The following CRIM1 variants were observed in gnomAD, a reference collection of about 807,000 sequenced individuals.
The protein encoded by CRIM1 is cysteine-rich motor neuron 1 protein.
In CRIM1, 32 loss-of-function variants were observed where a neutral mutation model predicts 116.4. That is an observed-to-expected ratio of 0.27 (90% confidence interval 0.21 to 0.37). CRIM1 has a LOEUF of 0.37. Among genes scored for constraint, CRIM1 ranks in the 10% least tolerant of loss-of-function variants. The probability of loss-of-function intolerance (pLI) is 1.00; values close to 1 mark genes in which losing one functional copy is unlikely to be tolerated. For missense variants in CRIM1, 1,331 were observed against 1,354.8 expected (o/e 0.98, Z 0.28); for synonymous variants, 590 against 509.2 (o/e 1.16, Z -2.13).
intron 14 of CRIM1, among the ~76,000 whole-genome samples, chr2:36,541,511 C>T (rs1237085049): frequency 6.6e-6 from 1 of 152,090 alleles, no homozygotes; most frequent in Non-Finnish European, 1.5e-5. Flanking sequence ...GACCCCTGCT[C>T]CTAAATTGAC....
At chr2:36,423,438 C>T (rs185343449) in intron 2 of CRIM1, among the ~76,000 whole-genome samples, 7 of 152,350 alleles carry the variant, frequency 4.6e-5, no homozygotes, top group Non-Finnish European at 7.3e-5. Flanking sequence ...TACAATGTTC[C>T]TTTGTTAACA....
chr2:36,547,421 G>T (rs979047350), intron 16 of CRIM1, among the ~76,000 whole-genome samples: 2 of 152,058 alleles, frequency 1.3e-5, no homozygotes. Flanking sequence ...CAGTTTTCTC[G>T]ATGTACTCTG....
At chr2:36,382,686 T>G (rs576501009) in intron 1 of CRIM1, among the ~76,000 whole-genome samples, 1 of 152,364 alleles carries the variant, frequency 6.6e-6, no homozygotes, top group South Asian at 2.1e-4. Flanking sequence ...CAGGCAGTGC[T>G]GCAGCTGAGT....
chr2:36,499,189 T>A, intron 7 of CRIM1, 30 bp from the exon 8 acceptor site: 1 of 1,559,836 alleles, frequency 6.4e-7, no homozygotes, highest in South Asian at 1.1e-5. Context: ...ATATGTTTCA[T>A]TGGTTATTTT....
At chr2:36,368,738 A>T (rs969163847) in intron 1 of CRIM1, among the ~76,000 whole-genome samples, 11 of 152,258 alleles carry the variant, frequency 7.2e-5, no homozygotes, top group African/African-American at 1.9e-4. Context: ...CTCTTCCATG[A>T]TTCTCACTTT....
intron 4 of CRIM1, among the ~76,000 whole-genome samples, chr2:36,447,771 A>C (rs1481504324): frequency 2.0e-5 from 3 of 152,148 alleles, no homozygotes; most frequent in African/African-American, 4.8e-5. Context: ...AATCCACCCT[A>C]ATCTACATTT....
intron 7 of CRIM1, among the ~76,000 whole-genome samples, chr2:36,490,686 C>T (rs897968260): frequency 1.3e-5 from 2 of 152,070 alleles, no homozygotes; most frequent in South Asian, 2.1e-4. Flanking sequence ...GAGCTGGATC[C>T]GTTTTCTGCT....
chr2:36,542,916 T>TTGG (rs1667049389), intron 14 of CRIM1, among the ~76,000 whole-genome samples: 1 of 152,104 alleles, frequency 6.6e-6, no homozygotes, highest in Non-Finnish European at 1.5e-5. Flanking sequence ...TCTAAGCTCT[T>TTGG]TGGGTAATTC....
chr2:36,547,792 T>C (rs1667457365), intron 16 of CRIM1, among the ~76,000 whole-genome samples: 1 of 152,200 alleles, frequency 6.6e-6, no homozygotes, highest in Non-Finnish European at 1.5e-5. Context: ...AATCTGCCTA[T>C]TTTGAAAGAC....
chr2:36,471,133 T>C (rs970590225), intron 5 of CRIM1, among the ~76,000 whole-genome samples: 3 of 152,224 alleles, frequency 2.0e-5, no homozygotes, highest in African/African-American at 7.2e-5. Context: ...TTTCTTCTTA[T>C]CGATGAGCAA....
At chr2:36,419,816 T>G (rs1673914176) in intron 2 of CRIM1, among the ~76,000 whole-genome samples, 1 of 152,230 alleles carries the variant, frequency 6.6e-6, no homozygotes, top group Admixed American at 6.5e-5. Context: ...GCAGCACATC[T>G]GAAATACCTG....
intron 2 of CRIM1, among the ~76,000 whole-genome samples, chr2:36,430,444 T>C (rs1035367870): frequency 1.3e-5 from 2 of 152,240 alleles, no homozygotes; most frequent in African/African-American, 4.8e-5. Context: ...AAATACACAT[T>C]GCAGTATTTT....
chr2:36,506,152 C>G (rs1362775006), intron 8 of CRIM1, among the ~76,000 whole-genome samples: 13 of 106,066 alleles, frequency 1.2e-4, no homozygotes, highest in African/African-American at 4.5e-4. Context: ...CACACACACA[C>G]ACACACTCTC....
At chr2:36,366,034 C>T (rs1669580379) in intron 1 of CRIM1, among the ~76,000 whole-genome samples, 1 of 152,172 alleles carries the variant, frequency 6.6e-6, no homozygotes, top group Admixed American at 6.5e-5. Flanking sequence ...CCCAGAACTA[C>T]ATTTGCTTAA....
At chr2:36,475,984 T>A (rs1572826407) in intron 5 of CRIM1, among the ~76,000 whole-genome samples, 1 of 151,920 alleles carries the variant, frequency 6.6e-6, no homozygotes, top group Non-Finnish European at 1.5e-5. Context: ...CTGCTAGTAA[T>A]TTTTTTTAAG....
At chr2:36,434,676 T>C (rs957124029) in intron 2 of CRIM1, among the ~76,000 whole-genome samples, 1 of 152,258 alleles carries the variant, frequency 6.6e-6, no homozygotes, top group African/African-American at 2.4e-5. Context: ...ACCATGAGAA[T>C]TTAATGCTTA....
intron 1 of CRIM1, among the ~76,000 whole-genome samples, chr2:36,358,694 A>C (rs1307949952): frequency 6.6e-6 from 1 of 152,126 alleles, no homozygotes; most frequent in Non-Finnish European, 1.5e-5. Flanking sequence ...TATCTCAATT[A>C]GTTTCTCTAG....
chr2:36,464,480 C>T, intron 4 of CRIM1, 54 bp from the exon 5 acceptor site: 1 of 1,606,652 alleles, frequency 6.2e-7, no homozygotes, highest in Non-Finnish European at 8.5e-7. Flanking sequence ...GGTCTCCCGA[C>T]TTCTATGTTG....
intron 10 of CRIM1, chr2:36,513,296 G>A (rs773218018): frequency 6.5e-6 from 3 of 461,266 alleles, no homozygotes; most frequent in South Asian, 2.8e-5. Flanking sequence ...ATATGAGAAA[G>A]TACAGTGGAA....
Sources: gnomAD v4.1 joint callset for allele counts (sites outside exome capture counted in the v4.1 genomes callset) on GRCh38, gnomAD v4.1.1 for gene constraint, MANE v1.5 for transcripts, NCBI Gene and HGNC (gene_info 2026-07-23, HGNC 2026-07-21) for gene names.